Variants in JUP observed in about 807,000 individuals in gnomAD.
The protein encoded by JUP is junction plakoglobin.
A neutral mutation model predicts 71.1 loss-of-function variants in JUP; 28 were observed. That is an observed-to-expected ratio of 0.39 (90% CI 0.29 to 0.54). JUP has a LOEUF of 0.54. Among genes scored for constraint, JUP ranks in the 20% least tolerant of loss-of-function variants. The pLI is 0.62. For missense variants in JUP, 869 were observed against 1,030.1 expected (o/e 0.84, Z 2.14); for synonymous variants, 401 against 438.9 (o/e 0.91, Z 1.08).
intron 1 of JUP, among the ~76,000 whole-genome samples, chr17:41,779,333 ATTTTTTT>A (rs34269111): frequency 1.0e-5 from 1 of 100,222 alleles, no homozygotes; most frequent in Non-Finnish European, 2.0e-5. Context: ...AAACTTCCCA[ATTTTTTT>A]TTTTTTTTTT....
intron 10 of JUP, 21 bp downstream of exon 10, chr17:41,758,378 G>A (rs376660399): frequency 1.5e-5 from 24 of 1,612,134 alleles, no homozygotes; most frequent in Non-Finnish European, 2.0e-5. Context: ...GACCTCTCCT[G>A]CCCACCTGCC....
intron 1 of JUP, among the ~76,000 whole-genome samples, chr17:41,774,196 G>C (rs1394801656): frequency 9.7e-5 from 14 of 143,600 alleles, no homozygotes; most frequent in African/African-American, 3.0e-4. Context: ...GGGCTAGACA[G>C]CTACCCAGGG....
intron 5 of JUP, among the ~76,000 whole-genome samples, chr17:41,766,771 C>T (rs782138788): frequency 4.0e-5 from 6 of 151,608 alleles, no homozygotes; most frequent in Non-Finnish European, 7.4e-5. Flanking sequence ...AGGAGAATCG[C>T]TTGAACCCGG....
chr17:41,773,117 T>C, intron 1 of JUP: 1 of 465,148 alleles, frequency 2.1e-6, no homozygotes, highest in Non-Finnish European at 2.8e-6. Flanking sequence ...GTCTGTAGTC[T>C]TTGCACATCC....
At chr17:41,772,967 T>C (rs879950030) in intron 1 of JUP, 144 of 985,392 alleles carry the variant, frequency 1.5e-4, no homozygotes, top group Non-Finnish European at 1.7e-4. Context: ...GAGGGCCTAC[T>C]ACGAGCCAGA....
chr17:41,758,631 C>A, intron 9 of JUP, 84 bp downstream of exon 9: 1 of 1,579,328 alleles, frequency 6.3e-7, no homozygotes, highest in Non-Finnish European at 8.6e-7. Flanking sequence ...TCAGTTGCAA[C>A]TGACCTCCCC....
chr17:41,765,116 G>A lies in JUP; in HGVS notation c.910-49C>T, dbSNP rs782611958. 7 of 1,574,348 alleles carry A rather than the reference G, an allele frequency of 4.4e-6. No homozygotes were observed. The South Asian group carries it at 6.7e-5, about 15-fold the overall frequency. On this transcript the variant is annotated intron_variant, in intron 5 of 13. Coordinates refer to ENST00000393931, the MANE Select transcript of JUP (RefSeq NM_002230.4). ...GTGAGATGGACGGGGAATATGACAGGAACAAGGAAGCGCGGGACAGGAGAC... is the reference window on the plus strand; with the variant it reads ...GTGAGATGGACGGGGAATATGACAGAAACAAGGAAGCGCGGGACAGGAGAC...
intron 1 of JUP, among the ~76,000 whole-genome samples, chr17:41,778,439 T>C (rs782810340): frequency 7.9e-5 from 12 of 151,918 alleles, no homozygotes; most frequent in Admixed American, 3.9e-4. Flanking sequence ...TGGTGGCATG[T>C]GCCTGTAGTC....
chr17:41,769,108 C>A lies in JUP; in HGVS notation c.568G>T (p.Val190Leu), dbSNP rs370143312. Reference sequence around the variant, plus strand: ...TCGCTGGTATTCTGCATGGTACGCACGACAGCGGCCACCAGCTGGGGCGAG... The same window carrying A: ...TCGCTGGTATTCTGCATGGTACGCAAGACAGCGGCCACCAGCTGGGGCGAG... ...MGSPQLVAAVVRTMQNTSDLD... is the reference protein window; with the variant it reads ...MGSPQLVAAVLRTMQNTSDLD... Residue 190 changes from valine to leucine, a missense_variant, in exon 4 of 14, where the codon GTG becomes TTG. Coordinates refer to ENST00000393931, the MANE Select transcript of JUP (RefSeq NM_002230.4). The A allele has an allele frequency of 1.2e-5, 20 of 1,611,930 alleles. No individual in the cohort carries two copies. Among genetic ancestry groups the A allele is most frequent in the Non-Finnish European group, 1.6e-5 (19 of 1,179,972 alleles).
At chr17:41,758,267 G>A (rs541300221) in intron 10 of JUP, 132 bp downstream of exon 10, 2 of 1,166,862 alleles carry the variant, frequency 1.7e-6, no homozygotes, top group Non-Finnish European at 2.5e-6. Flanking sequence ...TCAATCTGGA[G>A]TGGCAACTTT....
rs782564203 is a variant in JUP, at chr17:41,757,408, T to A, written c.2046+7A>T. 3 of 1,614,086 alleles carry A rather than the reference T, an allele frequency of 1.9e-6. No homozygotes were observed. The African/African-American group carries it at 4.0e-5, about 22-fold the overall frequency. The stretch of plus-strand genomic sequence containing the variant: ...CCAACTACTGTGGTCCAACCTAGGA[T>A]ACTCACAGCCTCCCAGGCAGCCGGG... On this transcript the variant is annotated splice_region_variant and intron_variant, in intron 12 of 13. Coordinates refer to ENST00000393931, the MANE Select transcript of JUP (RefSeq NM_002230.4).
chr17:41,762,176 A>AGTGTGTGTGTGTGTGTGTGTGT (rs137970272), intron 8 of JUP, among the ~76,000 whole-genome samples: 1 of 44,802 alleles, frequency 2.2e-5, no homozygotes, highest in African/African-American at 1.1e-4. Context: ...AGAGAGAGAG[A>AGTGTGTGTGTGTGTGTGTGTGT]GTGTGTGTGT....
At chr17:41,778,898 G>A (rs548507309) in intron 1 of JUP, among the ~76,000 whole-genome samples, 332 of 150,048 alleles carry the variant, frequency 2.2e-3, no homozygotes, top group African/African-American at 7.6e-3. Flanking sequence ...GTGACAGAGC[G>A]AGACTCCGTC....
intron 6 of JUP, 28 bp from the exon 7 acceptor site, chr17:41,764,844 C>CCACGGGGAG: frequency 6.2e-7 from 1 of 1,613,652 alleles, no homozygotes; most frequent in Non-Finnish European, 8.5e-7. Flanking sequence ...GTGCCATCAG[C>CCACGGGGAG]CACGGGGAGC....
At chr17:41,782,373 G>A (rs184678024) in intron 1 of JUP, among the ~76,000 whole-genome samples, 33 of 152,278 alleles carry the variant, frequency 2.2e-4, no homozygotes, top group Admixed American at 2.0e-3. Flanking sequence ...GCACTGCCTC[G>A]TCAACTCCAG....
At position 41,769,574 on chromosome 17, in the gene JUP, G is replaced by C. The variant is rs2143695686; in HGVS notation, c.312C>G (p.Thr104=). Residue 104 remains threonine (T), a synonymous_variant, in exon 3 of 14, where the codon ACC becomes ACG. Coordinates refer to ENST00000393931, the MANE Select transcript of JUP (RefSeq NM_002230.4). Reference sequence around the variant, plus strand: ...GGTTGGTGGCCTGCCCCTCCACCTGGGTGGCCAGCAGAAGCGAGCTGTCCT... The same window carrying C: ...GGTTGGTGGCCTGCCCCTCCACCTGCGTGGCCAGCAGAAGCGAGCTGTCCT... The part of the protein sequence containing the change: ...SGEDSSLLLA[T]QVEGQATNLQ... 1 of 1,607,328 alleles carries C rather than the reference G, an allele frequency of 6.2e-7. No individual in the cohort carries two copies. Among genetic ancestry groups the C allele is most frequent in the Non-Finnish European group, 8.5e-7 (1 of 1,177,636 alleles).
intron 1 of JUP, among the ~76,000 whole-genome samples, chr17:41,784,253 C>T (rs1428954643): frequency 6.6e-6 from 1 of 152,140 alleles, no homozygotes; most frequent in Non-Finnish European, 1.5e-5. Context: ...AAAGCCTCGG[C>T]CCTGGCAGCC....
chr17:41,767,899 G>A (rs1378852146), intron 4 of JUP, among the ~76,000 whole-genome samples: 3 of 152,192 alleles, frequency 2.0e-5, no homozygotes, highest in Non-Finnish European at 2.9e-5. Flanking sequence ...TATTAGAGAG[G>A]CCTTGCAAGG....
chr17:41,778,139 C>T (rs782762664), intron 1 of JUP, among the ~76,000 whole-genome samples: 7 of 152,212 alleles, frequency 4.6e-5, no homozygotes, highest in Non-Finnish European at 8.8e-5. Flanking sequence ...CCGATCCCAG[C>T]TGACTGAGGC....
Sources: gnomAD v4.1 joint callset for allele counts (sites outside exome capture counted in the v4.1 genomes callset) on GRCh38, gnomAD v4.1.1 for gene constraint, MANE v1.5 for transcripts, NCBI Gene and HGNC (gene_info 2026-07-23, HGNC 2026-07-21) for gene names.